RBPJ: variants seen among roughly 807,000 people sequenced by gnomAD.
The protein encoded by RBPJ is recombination signal binding protein for immunoglobulin kappa J region.
A neutral mutation model predicts 67.8 loss-of-function variants in RBPJ; 9 were observed. The ratio of observed to expected loss-of-function variants is 0.13; its 90% CI spans 0.08 to 0.23. The LOEUF is 0.23. Ranked by LOEUF, RBPJ falls within the 10% of genes least tolerant of loss-of-function variation. The pLI is 1.00. For synonymous variants in RBPJ, 198 were observed against 203.3 expected (o/e 0.97, Z 0.22); for missense variants, 305 against 595.6 (o/e 0.51, Z 5.08).
intron 1 of RBPJ, among the ~76,000 whole-genome samples, chr4:26,212,195 C>T (rs1257267641): frequency 6.6e-6 from 1 of 152,058 alleles, no homozygotes; most frequent in African/African-American, 2.4e-5. Flanking sequence ...TATAATAACC[C>T]ATATGACCGA....
intron 1 of RBPJ, among the ~76,000 whole-genome samples, chr4:26,207,901 G>A (rs1421224828): frequency 6.6e-6 from 1 of 152,162 alleles, no homozygotes; most frequent in Non-Finnish European, 1.5e-5. Context: ...GCAGAGACTT[G>A]TTGTGGCAGC....
At chr4:26,204,126 G>A (rs1276147195) in intron 1 of RBPJ, among the ~76,000 whole-genome samples, 1 of 151,888 alleles carries the variant, frequency 6.6e-6, no homozygotes, top group East Asian at 1.9e-4. Context: ...TGTATTTTTT[G>A]TAGGGATGGG....
intron 1 of RBPJ, among the ~76,000 whole-genome samples, chr4:26,244,252 CATACACATATGTGTACACAT>C (rs1388480881): frequency 2.1e-3 from 3 of 1,414 alleles, no homozygotes; most frequent in Admixed American, 6.7e-3. Flanking sequence ...TATGTGTACA[CATACACATATGTGTACACAT>C]ATATGTGTGT....
chr4:26,247,704 C>G (rs1281375920), intron 1 of RBPJ, among the ~76,000 whole-genome samples: 1 of 152,160 alleles, frequency 6.6e-6, no homozygotes, highest in Non-Finnish European at 1.5e-5. Flanking sequence ...GCCACCGTAC[C>G]CAGCCTTCAT....
At chr4:26,402,937 C>T (rs572568210) in intron 2 of RBPJ, among the ~76,000 whole-genome samples, 2 of 152,312 alleles carry the variant, frequency 1.3e-5, no homozygotes, top group South Asian at 4.1e-4. Flanking sequence ...TATATACCCA[C>T]TTCTCCCAAA....
intron 4 of RBPJ, among the ~76,000 whole-genome samples, chr4:26,416,272 C>A (rs1049254548): frequency 6.6e-6 from 1 of 151,212 alleles, no homozygotes; most frequent in Non-Finnish European, 1.5e-5. Flanking sequence ...TTTTTTTCTT[C>A]CCCCGGGACA....
At chr4:26,219,943 T>G (rs1165271344) in intron 1 of RBPJ, among the ~76,000 whole-genome samples, 3 of 19,126 alleles carry the variant, frequency 1.6e-4, no homozygotes, top group Non-Finnish European at 3.5e-4. Context: ...GCCCAACTAA[T>G]TTTTTTTTTT....
rs933770624 is a variant in RBPJ, at chr4:26,230,231, C to T, written c.-167+66617C>T. Among the ~76,000 whole-genome samples, 4 of 151,678 alleles carry T rather than the reference C, an allele frequency of 2.6e-5. No homozygotes were observed. The East Asian group carries it at 7.7e-4, about 29-fold the overall frequency. ...TCATTATGACACATGTTCATAGCAG[C>T]ACTATGTATAATAGCCAAAAATTGA... On this transcript the variant is annotated intron_variant, in intron 1 of 4. Transcript: ENST00000512351.
intron 2 of RBPJ, among the ~76,000 whole-genome samples, chr4:26,404,612 G>C (rs1272671808): frequency 1.3e-5 from 2 of 152,162 alleles, no homozygotes; most frequent in African/African-American, 4.8e-5. Context: ...GGTGTTAGCT[G>C]TATAGCAGTA....
chr4:26,373,836 A>G (rs1729411060), intron 1 of RBPJ, among the ~76,000 whole-genome samples: 2 of 151,474 alleles, frequency 1.3e-5, no homozygotes, highest in African/African-American at 4.8e-5. Flanking sequence ...TTATGTGTGT[A>G]TGTATGTAGT....
At chr4:26,156,414 C>CTTTTTTTTTTTTTTT in the RBPJ span, among the ~76,000 whole-genome samples, 2 of 93,558 alleles carry the variant, frequency 2.1e-5, no homozygotes, top group Non-Finnish European at 4.1e-5. Context: ...TCTTTTCTTT[C>CTTTTTTTTTTTTTTT]TTTTTTTTTT....
chr4:26,415,775 C>A (rs1577653693), intron 4 of RBPJ, 135 bp downstream of exon 4: 4 of 745,284 alleles, frequency 5.4e-6, no homozygotes, highest in African/African-American at 2.0e-5. Flanking sequence ...AAACTAGGAC[C>A]AAAAAACATG....
chr4:26,305,771 CT>C (rs71276617), intron 1 of RBPJ, among the ~76,000 whole-genome samples: 84 of 67,756 alleles, frequency 1.2e-3, no homozygotes, highest in African/African-American at 3.5e-3. Context: ...ATTTTCTTTT[CT>C]TTTTTTTTTT....
At chr4:26,127,906 A>G in the RBPJ span, among the ~76,000 whole-genome samples, 2 of 152,366 alleles carry the variant, frequency 1.3e-5, no homozygotes, top group East Asian at 1.9e-4. Context: ...TCAGAGGGAA[A>G]CATGCCACCC....
At chr4:26,189,733 C>T (rs756679191) in intron 1 of RBPJ, among the ~76,000 whole-genome samples, 20 of 152,274 alleles carry the variant, frequency 1.3e-4, no homozygotes, top group African/African-American at 3.1e-4. Flanking sequence ...GAATAGTAGA[C>T]ATTAAATCTG....
chr4:26,119,196 C>G, the RBPJ span, among the ~76,000 whole-genome samples: 1 of 152,190 alleles, frequency 6.6e-6, no homozygotes, highest in Admixed American at 6.5e-5. Context: ...GAACCATAAG[C>G]TTTTATTTTC....
intron 1 of RBPJ, among the ~76,000 whole-genome samples, chr4:26,245,270 G>T (rs1159028660): frequency 7.0e-6 from 1 of 142,228 alleles, no homozygotes; most frequent in Non-Finnish European, 1.5e-5. Flanking sequence ...GTCCAGTGGT[G>T]CAATCTCAGC....
At chr4:26,307,990 C>G (rs1722291229) in intron 1 of RBPJ, among the ~76,000 whole-genome samples, 1 of 152,072 alleles carries the variant, frequency 6.6e-6, no homozygotes, top group East Asian at 1.9e-4. Context: ...AATAGAGTTT[C>G]TCTAGGCCTG....
At chr4:26,183,992 A>C (rs1717121692) in intron 1 of RBPJ, among the ~76,000 whole-genome samples, 1 of 152,000 alleles carries the variant, frequency 6.6e-6, no homozygotes, top group South Asian at 2.1e-4. Context: ...AGCCTGGGCG[A>C]CAGAACAAGA....
Sources: gnomAD v4.1 joint callset for allele counts (sites outside exome capture counted in the v4.1 genomes callset) on GRCh38, gnomAD v4.1.1 for gene constraint, MANE v1.5 for transcripts, NCBI Gene and HGNC (gene_info 2026-07-23, HGNC 2026-07-21) for gene names.